Variants in KIF13B observed in about 807,000 individuals in gnomAD.
KIF13B encodes the protein kinesin-like protein KIF13B.
A neutral mutation model predicts 222.0 loss-of-function variants in KIF13B; 127 were observed. That is an observed-to-expected ratio of 0.57 (90% confidence interval 0.50 to 0.66). The LOEUF is 0.66. Among genes scored for constraint, KIF13B ranks in the 30% least tolerant of loss-of-function variants. The pLI is 0.00. For synonymous variants in KIF13B, 976 were observed against 919.0 expected, an observed-to-expected ratio of 1.06 and a Z score of -1.12; for missense variants, 2,173 against 2,379.0, an observed-to-expected ratio of 0.91 and a Z score of 1.80.
rs370459350 is a variant in KIF13B, at chr8:29,109,531, C to G, written c.4084-20G>C. 6.2e-7 allele frequency: 1 copy of G among 1,606,978 alleles called. No homozygotes were observed. The highest frequency in any genetic ancestry group is 8.5e-7 in the Non-Finnish European group (1 of 1,173,732). On this transcript the variant is annotated intron_variant, in intron 33 of 39. Coordinates refer to ENST00000524189, the MANE Select transcript of KIF13B (RefSeq NM_015254.4). ...AACTTCCTGTGAATCAGAAAACATA[C>G]AGAGGAAAAAGACATGTAAGAGACA...
At chr8:29,222,610 A>G (rs984112786) in intron 2 of KIF13B, among the ~76,000 whole-genome samples, 3 of 132,346 alleles carry the variant, frequency 2.3e-5, no homozygotes, top group African/African-American at 8.6e-5. Context: ...ATTTTTAATC[A>G]TCTTTCAGCT....
Position 29,142,260 on chromosome 8 carries a change from TTTC to T in KIF13B, c.2228_2230del (p.Arg743del). ...AGACCAAATCTGCTTTCCTTTTCCT[TTTC>T]TTCTCACCTGGATTGCAGGCTCACT... On this transcript the variant is annotated inframe_deletion, in exon 19 of 40. Transcript: ENST00000524189. 2 of 1,613,820 alleles carry T rather than the reference TTTC, an allele frequency of 1.2e-6. No individual in the cohort carries two copies. The highest frequency in any genetic ancestry group is 2.7e-5 in the African/African-American group (2 of 75,040).
At chr8:29,199,556 T>A (rs1169933354) in intron 2 of KIF13B, among the ~76,000 whole-genome samples, 1 of 134,758 alleles carries the variant, frequency 7.4e-6, no homozygotes, top group African/African-American at 2.9e-5. Flanking sequence ...ATTGCCCTTA[T>A]GCAAATATTC....
chr8:29,135,849 C>T (rs1326423014), intron 21 of KIF13B, among the ~76,000 whole-genome samples: 1 of 152,174 alleles, frequency 6.6e-6, no homozygotes, highest in Non-Finnish European at 1.5e-5. Context: ...GAGCAGAGAT[C>T]GCACCACTGC....
chr8:29,251,748 A>T (rs762620819), intron 1 of KIF13B, among the ~76,000 whole-genome samples: 6 of 152,258 alleles, frequency 3.9e-5, no homozygotes, highest in Non-Finnish European at 7.3e-5. Context: ...TGTGCACTTC[A>T]AAGGCTAAAA....
At chr8:29,119,806 G>A (rs975216322) in intron 29 of KIF13B, among the ~76,000 whole-genome samples, 4 of 151,982 alleles carry the variant, frequency 2.6e-5, no homozygotes, top group African/African-American at 9.7e-5. Context: ...AACAGACAGT[G>A]GCTGTATTAT....
intron 13 of KIF13B, among the ~76,000 whole-genome samples, chr8:29,158,396 T>C (rs1811630823): frequency 6.6e-6 from 1 of 152,206 alleles, no homozygotes; most frequent in Non-Finnish European, 1.5e-5. Flanking sequence ...AGTCTCTTTA[T>C]TGATAGATGG....
At chr8:29,134,404 C>T (rs996281259) in intron 21 of KIF13B, among the ~76,000 whole-genome samples, 194 bp from the exon 22 acceptor site, 8 of 152,174 alleles carry the variant, frequency 5.3e-5, no homozygotes, top group African/African-American at 1.9e-4. Context: ...TAGTGAGAGG[C>T]TGGACACAGG....
At chr8:29,252,082 G>GA (rs922748319) in intron 1 of KIF13B, among the ~76,000 whole-genome samples, 3 of 151,512 alleles carry the variant, frequency 2.0e-5, no homozygotes, top group African/African-American at 7.3e-5. Context: ...GGGGAGGAAG[G>GA]AAAAAAAGGA....
At chr8:29,160,901 A>G in intron 12 of KIF13B, 34 bp from the exon 13 acceptor site, 1 of 1,595,006 alleles carries the variant, frequency 6.3e-7, no homozygotes, top group Admixed American at 1.7e-5. Flanking sequence ...TTAATTTCAC[A>G]GCTATTGAGG....
intron 7 of KIF13B, among the ~76,000 whole-genome samples, chr8:29,180,895 C>T (rs1812685405): frequency 6.6e-6 from 1 of 151,930 alleles, no homozygotes; most frequent in Non-Finnish European, 1.5e-5. Flanking sequence ...AGAGCTATGA[C>T]ACCCATCTGC....
At chr8:29,108,330 G>T (rs1006761672) in intron 34 of KIF13B, 138 bp from the exon 35 acceptor site, 10 of 694,236 alleles carry the variant, frequency 1.4e-5, no homozygotes, top group Non-Finnish European at 2.0e-5. Flanking sequence ...GACGAAGGCT[G>T]CACACTAGTG....
chr8:29,161,172 T>C (rs1050907840), intron 12 of KIF13B, among the ~76,000 whole-genome samples: 6 of 152,200 alleles, frequency 3.9e-5, no homozygotes, highest in African/African-American at 1.4e-4. Context: ...TCTGTATATA[T>C]AAAAGCAAAA....
rs1241019883 is a variant in KIF13B at position 29,253,842 on chromosome 8, A to C, written c.56-8403T>G. Among the ~76,000 whole-genome samples the C allele has an allele frequency of 2.0e-5, 3 of 150,682 alleles. No homozygotes were observed. The East Asian group carries it at 5.8e-4, about 29-fold the overall frequency. ...TGAGACTGTCTCAAAAAAAAAAAAA[A>C]AAAAAAAAAAAAACCCGCTTAAGGC... is the stretch of plus-strand genomic sequence containing the variant. On this transcript the variant is annotated intron_variant, in intron 1 of 39. Coordinates refer to ENST00000524189, the MANE Select transcript of KIF13B (RefSeq NM_015254.4).
chr8:29,132,614 T>A, intron 22 of KIF13B, 149 bp from the exon 23 acceptor site: 1 of 473,774 alleles, frequency 2.1e-6, no homozygotes, highest in Non-Finnish European at 3.4e-6. Flanking sequence ...CTAAAACCCA[T>A]AATGAATGCT....
intron 18 of KIF13B, chr8:29,145,959 G>A: frequency 3.8e-6 from 1 of 261,338 alleles, no homozygotes; most frequent in South Asian, 7.4e-5. Flanking sequence ...CAACTAATGA[G>A]CAGTTTTACA....
Position 29,104,481 on chromosome 8 carries a change from C to T in KIF13B, c.4215+3658G>A, listed in dbSNP as rs577510723. ...TCCAACTCAAAACCATTTTTCCCCA[C>T]GTTTGCATTGATAACTGCATACATT... On this transcript the variant is annotated intron_variant, in intron 35 of 39. Coordinates refer to ENST00000524189, the MANE Select transcript of KIF13B (RefSeq NM_015254.4). Among the ~76,000 whole-genome samples the T allele has an allele frequency of 3.3e-5, 5 of 152,300 alleles. No individual in the cohort carries two copies. The South Asian group carries it at 8.3e-4, about 25-fold the overall frequency.
At chr8:29,191,167 A>G in intron 3 of KIF13B, 110 bp from the exon 4 acceptor site, 3 of 762,894 alleles carry the variant, frequency 3.9e-6, no homozygotes, top group Non-Finnish European at 2.2e-6. Flanking sequence ...CTGTCATACA[A>G]TGGGAATTAA....
intron 2 of KIF13B, among the ~76,000 whole-genome samples, chr8:29,208,616 T>G (rs887353069): frequency 2.0e-5 from 3 of 152,326 alleles, no homozygotes; most frequent in African/African-American, 7.2e-5. Context: ...TAGGTCAGCG[T>G]TGGCTTGGGA....
Sources: gnomAD v4.1 joint callset for allele counts (sites outside exome capture counted in the v4.1 genomes callset) on GRCh38, gnomAD v4.1.1 for gene constraint, MANE v1.5 for transcripts, NCBI Gene and HGNC (gene_info 2026-07-23, HGNC 2026-07-21) for gene names.